The following FHIP1A variants were observed in gnomAD, a reference collection of about 807,000 sequenced individuals.
The protein encoded by FHIP1A is FHF complex subunit HOOK-interacting protein 1A.
In FHIP1A, 61 loss-of-function variants were observed where a neutral mutation model predicts 88.6. The observed-to-expected ratio is 0.69, with a 90% CI of 0.56 to 0.85. The LOEUF (loss-of-function observed/expected upper bound fraction) is 0.85. Among genes scored for constraint, FHIP1A ranks in the 40% least tolerant of loss-of-function variants. FHIP1A has a pLI of 0.00. For missense variants in FHIP1A, 1,154 were observed against 1,273.5 expected, an observed-to-expected ratio of 0.91 and a Z score of 1.43; for synonymous variants, 478 against 496.0, an observed-to-expected ratio of 0.96 and a Z score of 0.48.
intron 1 of FHIP1A, among the ~76,000 whole-genome samples, chr4:151,436,668 G>A (rs1359724482): frequency 6.6e-6 from 1 of 152,124 alleles, no homozygotes; most frequent in Admixed American, 6.6e-5. Flanking sequence ...CACCCTCTCA[G>A]TTCTTAGGAA....
intron 3 of FHIP1A, among the ~76,000 whole-genome samples, chr4:151,500,268 AT>A (rs1730603048): frequency 6.6e-6 from 1 of 152,030 alleles, no homozygotes; most frequent in African/African-American, 2.4e-5. Context: ...CCACTCTTTA[AT>A]TTTCTAGGCC....
intron 4 of FHIP1A, among the ~76,000 whole-genome samples, chr4:151,570,616 C>T (rs1002577930): frequency 1.3e-5 from 2 of 152,052 alleles, no homozygotes; most frequent in Non-Finnish European, 2.9e-5. Context: ...TGCGTGTAGC[C>T]CAACCACTTT....
chr4:151,655,054 A>C (rs778600328), intron 11 of FHIP1A, among the ~76,000 whole-genome samples: 4 of 151,920 alleles, frequency 2.6e-5, no homozygotes, highest in Non-Finnish European at 5.9e-5. Context: ...AAAGGGTTTT[A>C]CTCTCTTATG....
chr4:151,529,948 T>C (rs1731811645), intron 3 of FHIP1A, among the ~76,000 whole-genome samples: 1 of 152,164 alleles, frequency 6.6e-6, no homozygotes. Flanking sequence ...TACTGGCCCT[T>C]TCTTATTCTT....
rs1325453518 is a variant in FHIP1A at position 151,588,883 on chromosome 4, A to G, written c.935A>G (p.Tyr312Cys). ...LIRNQLVNYI[Y>C]NGFLVPVLAP... is the part of the protein sequence containing the mutation. Reference sequence around the variant, plus strand: ...CGAAATCAGCTTGTCAATTACATTTACAATGGATTTTTGGTACCAGTCTTG... The same window carrying G: ...CGAAATCAGCTTGTCAATTACATTTGCAATGGATTTTTGGTACCAGTCTTG... Residue 312 changes from tyrosine (Y) to cysteine (C), a missense_variant, in exon 7 of 14, where the codon TAC becomes TGC. Physicochemically the swap from Tyr to Cys is radical, Grantham distance 194. Coordinates refer to ENST00000435205, the MANE Select transcript of FHIP1A (RefSeq NM_001109977.3). 6.4e-6 allele frequency: 10 copies of G among 1,551,478 alleles called. No homozygotes were observed. The highest frequency in any genetic ancestry group is 7.0e-6 in the Non-Finnish European group (8 of 1,146,816).
chr4:151,619,429 A>G (rs1004352628), intron 7 of FHIP1A, among the ~76,000 whole-genome samples: 2 of 152,220 alleles, frequency 1.3e-5, no homozygotes, highest in African/African-American at 2.4e-5. Flanking sequence ...TCAATTTGGT[A>G]GGTCACAATT....
intron 3 of FHIP1A, among the ~76,000 whole-genome samples, chr4:151,551,548 A>T (rs1266459106): frequency 7.4e-6 from 1 of 134,890 alleles, no homozygotes; most frequent in Non-Finnish European, 1.7e-5. Flanking sequence ...CAACCATCTG[A>T]TCTTTGACAA....
rs115592999 is a variant in FHIP1A at position 151,600,962 on chromosome 4, G to A, written c.978+12036G>A. 5.6e-3 allele frequency among the ~76,000 whole-genome samples: 847 copies of A among 152,296 alleles called. 6 individuals are homozygous for A. Among genetic ancestry groups the A allele is most frequent in the African/African-American group, 0.019 (801 of 41,556 alleles). On this transcript the variant is annotated intron_variant, in intron 7 of 13. Transcript: ENST00000435205. ...CAGAGACCACTCAATTTCAAGGGAA[G>A]AGGACAAAGACCCCACCTCTTTATA...
intron 3 of FHIP1A, among the ~76,000 whole-genome samples, chr4:151,535,576 T>C (rs945581747): frequency 2.6e-5 from 4 of 152,234 alleles, no homozygotes; most frequent in Non-Finnish European, 5.9e-5. Context: ...TCCATACTTA[T>C]ATGTGTATTT....
chr4:151,510,263 C>G lies in FHIP1A; in HGVS notation c.-123+27615C>G, dbSNP rs538192548. Among the ~76,000 whole-genome samples the G allele has an allele frequency of 3.9e-5, 6 of 152,076 alleles. No individual in the cohort carries two copies. In the East Asian group the frequency reaches 9.7e-4, roughly 25 times the overall value. ...GGTACCACAGATGCATGCCACTGTG[C>G]CCACTAATATTTTTTTCAATTTTTT... On this transcript the variant is annotated intron_variant, in intron 3 of 13. Transcript: ENST00000435205.
intron 1 of FHIP1A, among the ~76,000 whole-genome samples, chr4:151,429,859 A>G (rs1733530309): frequency 6.8e-6 from 1 of 146,040 alleles, no homozygotes; most frequent in African/African-American, 2.8e-5. Flanking sequence ...AAAAAAAAAA[A>G]AAAAAAAAAA....
At chr4:151,466,724 A>G (rs557441039) in intron 2 of FHIP1A, among the ~76,000 whole-genome samples, 80 of 152,336 alleles carry the variant, frequency 5.3e-4, no homozygotes, top group Non-Finnish European at 1.1e-3. Context: ...AAAACAAGCA[A>G]TGGGGAAAAG....
intron 2 of FHIP1A, among the ~76,000 whole-genome samples, chr4:151,456,108 G>A (rs1270947162): frequency 1.3e-5 from 2 of 152,136 alleles, no homozygotes; most frequent in African/African-American, 4.8e-5. Context: ...AAAACCCACT[G>A]TAGGACTGTA....
intron 7 of FHIP1A, among the ~76,000 whole-genome samples, chr4:151,608,898 G>A (rs1053021383): frequency 1.3e-5 from 2 of 152,170 alleles, no homozygotes; most frequent in Non-Finnish European, 2.9e-5. Flanking sequence ...ATCTAAAGGC[G>A]AGTAGTGAAA....
At chr4:151,445,018 G>GC (rs1425123276) in intron 1 of FHIP1A, among the ~76,000 whole-genome samples, 3 of 152,056 alleles carry the variant, frequency 2.0e-5, no homozygotes, top group African/African-American at 7.2e-5. Flanking sequence ...GTCCAAGATT[G>GC]CCCCCTACCT....
At chr4:151,601,266 G>A (rs541345918) in intron 7 of FHIP1A, among the ~76,000 whole-genome samples, 1 of 152,164 alleles carries the variant, frequency 6.6e-6, no homozygotes, top group South Asian at 2.1e-4. Context: ...GGGAACCATG[G>A]GAAAAAGGTC....
chr4:151,557,671 G>A (rs1733003856), intron 3 of FHIP1A, among the ~76,000 whole-genome samples: 1 of 152,158 alleles, frequency 6.6e-6, no homozygotes, highest in Admixed American at 6.5e-5. Context: ...AGGGGTGGCG[G>A]CCATCCAGTC....
In FHIP1A at chr4:151,621,712, T is replaced by C. The variant is rs141989456; in HGVS notation, c.979-7990T>C. The stretch of plus-strand genomic sequence containing the variant: ...TGGACCATTTCCCCTCTACTGTGGG[T>C]TTTAAAGTCAGTCTCATCAGCATTC... On this transcript the variant is annotated intron_variant, in intron 7 of 13. Transcript: ENST00000435205. Among the ~76,000 whole-genome samples the C allele has an allele frequency of 2.6e-3, 400 of 152,194 alleles. 1 individual carries two copies. The highest frequency in any genetic ancestry group is 0.01 in the Middle Eastern group (3 of 294).
intron 7 of FHIP1A, among the ~76,000 whole-genome samples, chr4:151,611,446 T>G (rs1735322334): frequency 6.6e-6 from 1 of 152,236 alleles, no homozygotes; most frequent in Non-Finnish European, 1.5e-5. Flanking sequence ...GTTTGAAATG[T>G]GCTCTCTATA....
Sources: gnomAD v4.1 joint callset for allele counts (sites outside exome capture counted in the v4.1 genomes callset) on GRCh38, gnomAD v4.1.1 for gene constraint, MANE v1.5 for transcripts, NCBI Gene and HGNC (gene_info 2026-07-23, HGNC 2026-07-21) for gene names.